Variants in MDM4 observed in about 807,000 individuals in gnomAD.
MDM4 encodes the protein MDM4 regulator of p53, also known as protein Mdm4.
MDM4 carries 2 observed loss-of-function variants against 60.2 expected under a neutral mutation model. That is an observed-to-expected ratio of 0.03 (90% CI 0.01 to 0.10). The LOEUF (loss-of-function observed/expected upper bound fraction) is 0.10, where lower values mean the gene tolerates loss of function less well. Among genes scored for constraint, MDM4 ranks in the 10% least tolerant of loss-of-function variants. MDM4 has a pLI of 1.00. For synonymous variants in MDM4, 202 were observed against 198.1 expected, an observed-to-expected ratio of 1.02 and a Z score of -0.17; for missense variants, 447 against 577.5, an observed-to-expected ratio of 0.77 and a Z score of 2.32.
intron 5 of MDM4, among the ~76,000 whole-genome samples, chr1:204,535,260 C>G (rs557462878): frequency 1.3e-5 from 2 of 150,992 alleles, no homozygotes; most frequent in Admixed American, 6.6e-5. Flanking sequence ...CGGGTTCACG[C>G]AGTTCTCCTG....
Position 204,557,309 on chromosome 1 carries a change from A to G in MDM4, c.*7627A>G, listed in dbSNP as rs145181572. 31 of 188,418 alleles carry G rather than the reference A, an allele frequency of 1.6e-4. No individual in the cohort carries two copies. The highest frequency in any genetic ancestry group is 6.5e-4 in the African/African-American group (28 of 42,866). The allele number at this position is 188,418 out of a possible 1,614,324, so 11.7% of individuals were successfully genotyped here. On this transcript the variant is annotated 3_prime_UTR_variant, in exon 11 of 11. Transcript: ENST00000367182. ...TTGATATGAGGCTCTTGACCAGAAA[A>G]GAGTTCTTTCTCTAGGTGTTCTGAG...
At chr1:204,520,340 C>A (rs1347584359) in intron 1 of MDM4, among the ~76,000 whole-genome samples, 8 of 133,466 alleles carry the variant, frequency 6.0e-5, no homozygotes, top group South Asian at 4.8e-4. Flanking sequence ...GTTAGTGGAA[C>A]AAAATTTCCC....
intron 3 of MDM4, chr1:204,529,588 AC>A: frequency 7.4e-7 from 1 of 1,350,166 alleles, no homozygotes; most frequent in Non-Finnish European, 1.0e-6. Context: ...ACGCTGCCAT[AC>A]TGCCCTCCAC....
chr1:204,538,092 C>G, intron 6 of MDM4, 117 bp from the exon 7 acceptor site: 1 of 769,074 alleles, frequency 1.3e-6, no homozygotes, highest in South Asian at 1.4e-5. Flanking sequence ...CTTGAGTTCT[C>G]TTTCTTGTGT....
intron 1 of MDM4, among the ~76,000 whole-genome samples, chr1:204,521,027 C>T (rs1659520602): frequency 6.6e-6 from 1 of 152,176 alleles, no homozygotes; most frequent in Non-Finnish European, 1.5e-5. Flanking sequence ...GATGTTAGTG[C>T]TTGTCTGAGT....
chr1:204,557,794 A>C lies in MDM4; in HGVS notation c.*8112A>C, dbSNP rs190202770. Reference sequence around the variant, plus strand: ...TGAAATTTTCCAAATATTTCCGATCAGAGAATCACAAGAGCAGCAAATGTG... The same window carrying C: ...TGAAATTTTCCAAATATTTCCGATCCGAGAATCACAAGAGCAGCAAATGTG... On this transcript the variant is annotated 3_prime_UTR_variant, in exon 11 of 11. Transcript: ENST00000367182. The C allele has an allele frequency of 4.2e-5, 8 of 189,250 alleles. No homozygotes were observed. The East Asian group carries it at 6.8e-4, about 16-fold the overall frequency. The allele number at this position is 189,250 out of a possible 1,614,324, so 11.7% of individuals were successfully genotyped here.
chr1:204,537,685 G>T (rs1661557778), intron 6 of MDM4, among the ~76,000 whole-genome samples, 188 bp downstream of exon 6: 1 of 152,146 alleles, frequency 6.6e-6, no homozygotes, highest in Admixed American at 6.5e-5. Flanking sequence ...TCCAGTCTCT[G>T]AACCTTTCTT....
chr1:204,517,359 A>G (rs755817430), intron 1 of MDM4, among the ~76,000 whole-genome samples: 3 of 152,056 alleles, frequency 2.0e-5, no homozygotes, highest in African/African-American at 7.2e-5. Flanking sequence ...ATTTTTGTAT[A>G]CCTTAAAGCT....
Position 204,553,357 on chromosome 1 carries a change from T to G in MDM4, c.*3675T>G. 4.5e-6 allele frequency: 1 copy of G among 223,994 alleles called. No homozygotes were observed. Among genetic ancestry groups the G allele is most frequent in the East Asian group, 6.5e-5 (1 of 15,442 alleles). The allele number at this position is 223,994 out of a possible 1,614,324, so 13.9% of individuals were successfully genotyped here. The stretch of plus-strand genomic sequence containing the variant: ...CTTTTAGCTGTAGTTATTGGGACCA[T>G]GTGCTCTGGTTTTCTGGAGACTGCC... On this transcript the variant is annotated 3_prime_UTR_variant, in exon 11 of 11. Transcript: ENST00000367182.
chr1:204,533,657 C>T (rs1661085636), intron 5 of MDM4, among the ~76,000 whole-genome samples: 1 of 152,220 alleles, frequency 6.6e-6, no homozygotes, highest in African/African-American at 2.4e-5. Context: ...TGCACTTGGC[C>T]ACTGCCACTG....
Position 204,546,789 on chromosome 1 carries a change from C to T in MDM4, c.823-8C>T, listed in dbSNP as rs1662705308. ...AACATTACTAATGAGATGTTTTTGC[C>T]TTCACAGGTGATTGAAGTGGGAAAA... On this transcript the variant is annotated splice_polypyrimidine_tract_variant and splice_region_variant and intron_variant, in intron 9 of 10. Transcript: ENST00000367182. The T allele has an allele frequency of 6.2e-7, 1 of 1,602,746 alleles. No individual in the cohort carries two copies. The highest frequency in any genetic ancestry group is 8.5e-7 in the Non-Finnish European group (1 of 1,171,210).
chr1:204,544,611 G>A lies in MDM4; in HGVS notation c.749G>A (p.Gly250Asp), dbSNP rs1474468928. The A allele has an allele frequency of 6.8e-6, 11 of 1,613,862 alleles. No individual in the cohort carries two copies. Among genetic ancestry groups the A allele is most frequent in the Admixed American group, 5.0e-5 (3 of 60,020 alleles). ...AATGAGTCAGTATCAGAGCAGTTAG[G>A]TGTTGGAATAAAAGTTGAAGCTGCT... ...FLNESVSEQL[G>D]VGIKVEAADT... The change falls in exon 9 of 11, where the codon GGT (glycine) becomes GAT (aspartate). Residue 250 changes from glycine to aspartate, a missense_variant. Physicochemically the swap from Gly to Asp is moderately conservative, Grantham distance 94. Coordinates refer to ENST00000367182, the MANE Select transcript of MDM4 (RefSeq NM_002393.5).
chr1:204,523,331 G>T (rs1175677143), intron 1 of MDM4, among the ~76,000 whole-genome samples: 1 of 149,482 alleles, frequency 6.7e-6, no homozygotes, highest in Non-Finnish European at 1.5e-5. Context: ...GCTGGGCGTG[G>T]TGGTGGGCGC....
At chr1:204,522,467 G>A (rs1383997389) in intron 1 of MDM4, among the ~76,000 whole-genome samples, 7 of 150,180 alleles carry the variant, frequency 4.7e-5, no homozygotes, top group Non-Finnish European at 7.4e-5. Flanking sequence ...GCACGATCTC[G>A]GCTCACTGCA....
rs1012562565 is a variant in MDM4 at position 204,550,245 on chromosome 1, C to T, written c.*563C>T. On this transcript the variant is annotated 3_prime_UTR_variant, in exon 11 of 11. Coordinates refer to ENST00000367182, the MANE Select transcript of MDM4 (RefSeq NM_002393.5). ...GTGCAGTGCAGTGGTATGATCATGG[C>T]TCACTGCAGCCTTGGTTTCCTGGGC... 1.7e-5 allele frequency: 4 copies of T among 231,066 alleles called. No homozygotes were observed. The highest frequency in any genetic ancestry group is 4.4e-5 in the African/African-American group (2 of 44,998). 14.3% of individuals were successfully genotyped at this position (231,066 alleles called of 1,614,324 possible).
At chr1:204,540,544 C>T (rs1034692646) in intron 7 of MDM4, among the ~76,000 whole-genome samples, 7 of 152,006 alleles carry the variant, frequency 4.6e-5, no homozygotes, top group Non-Finnish European at 8.8e-5. Flanking sequence ...AGGCGGATCA[C>T]CTGAGGTCAG....
At chr1:204,532,609 T>C (rs1660977995) in intron 5 of MDM4, 1 of 629,192 alleles carries the variant, frequency 1.6e-6, no homozygotes, top group South Asian at 2.3e-5. Flanking sequence ...CCAGTTTATG[T>C]ATCATTTCCC....
At position 204,529,452 on chromosome 1, in the gene MDM4, T is replaced by C. The variant is rs548722443; in HGVS notation, c.154-1232T>C. 3 of 1,516,766 alleles carry C rather than the reference T, an allele frequency of 2.0e-6. No individual in the cohort carries two copies. In the African/African-American group the frequency reaches 4.1e-5, roughly 21 times the overall value. The allele number at this position is 1,516,766 out of a possible 1,614,324, so 94.0% of individuals were successfully genotyped here. A position where few individuals can be genotyped will look rare whatever the true frequency, so the allele number is the denominator to read the frequency against. On this transcript the variant is annotated intron_variant, in intron 3 of 10. Coordinates refer to ENST00000367182, the MANE Select transcript of MDM4 (RefSeq NM_002393.5). ...GGGGCCCCCTGGAGCTGTACCATCA[T>C]TTGGTCCTCCTGGAGTTCCAGAGGG...
At position 204,552,188 on chromosome 1, in the gene MDM4, G is replaced by C. The variant is rs187930617; in HGVS notation, c.*2506G>C. 6.6e-6 allele frequency: 1 copy of C among 151,902 alleles called. No homozygotes were observed. The highest frequency in any genetic ancestry group is 2.4e-5 in the African/African-American group (1 of 41,250). 9.4% of individuals were successfully genotyped at this position (151,902 alleles called of 1,614,324 possible). ...CTCAGGAGGCTGAGGCAGGAGAATC[G>C]CTTGAACCTGAGAGGGGGAGATTGC... On this transcript the variant is annotated 3_prime_UTR_variant, in exon 11 of 11. Transcript: ENST00000367182.
Sources: allele counts gnomAD v4.1 joint callset (sites outside exome capture counted in the v4.1 genomes callset), GRCh38; gene constraint gnomAD v4.1.1; transcripts MANE v1.5; gene names NCBI Gene and HGNC (gene_info 2026-07-23, HGNC 2026-07-21).